GRAMD1C: variants seen among roughly 807,000 people sequenced by gnomAD.
GRAMD1C encodes GRAM domain containing 1C.
Under a neutral mutation model 97.8 loss-of-function variants are expected in GRAMD1C, and 89 were observed. That is an observed-to-expected ratio of 0.91 (90% CI 0.77 to 1.09). The LOEUF (loss-of-function observed/expected upper bound fraction) is 1.09, where lower values mean the gene tolerates loss of function less well. Among genes scored for constraint, GRAMD1C ranks in the 50% least tolerant of loss-of-function variants. The probability of loss-of-function intolerance (pLI) is 0.00; values close to 1 mark genes in which losing one functional copy is unlikely to be tolerated. For synonymous variants in GRAMD1C, 256 were observed against 267.0 expected (o/e 0.96, Z 0.40); for missense variants, 740 against 766.4 (o/e 0.97, Z 0.41).
At chr3:113,830,869 C>A (rs527597342) in intron 1 of GRAMD1C, among the ~76,000 whole-genome samples, 1 of 152,160 alleles carries the variant, frequency 6.6e-6, no homozygotes, top group Non-Finnish European at 1.5e-5. Flanking sequence ...GAGGCCAAGG[C>A]GGGTGGGTCA....
chr3:113,912,927 G>A (rs1221910971), intron 9 of GRAMD1C: 3 of 285,326 alleles, frequency 1.1e-5, no homozygotes, highest in Non-Finnish European at 2.1e-5. Flanking sequence ...GAGGCTTGTT[G>A]TACTTATTAA....
chr3:113,871,836 G>C (rs1559787335), intron 3 of GRAMD1C, among the ~76,000 whole-genome samples: 1 of 151,846 alleles, frequency 6.6e-6, no homozygotes, highest in East Asian at 1.9e-4. Context: ...AGCTACTTAG[G>C]AGGCTGAGGT....
At chr3:113,847,264 A>G (rs1018236947) in intron 2 of GRAMD1C, among the ~76,000 whole-genome samples, 2 of 152,244 alleles carry the variant, frequency 1.3e-5, no homozygotes, top group African/African-American at 4.8e-5. Context: ...TTTGTTCAAA[A>G]CATTACAAGA....
chr3:113,926,089 G>A (rs976231933), intron 10 of GRAMD1C, among the ~76,000 whole-genome samples: 2 of 152,180 alleles, frequency 1.3e-5, no homozygotes, highest in African/African-American at 4.8e-5. Flanking sequence ...GCATTTGAAT[G>A]TTGGCCTCTC....
upstream of GRAMD1C, among the ~76,000 whole-genome samples, chr3:113,837,266 C>G (rs1041699994): frequency 2.0e-5 from 3 of 152,132 alleles, no homozygotes; most frequent in Non-Finnish European, 2.9e-5. Flanking sequence ...GCCACTGTGC[C>G]TGGCTTAGAA....
chr3:113,857,551 T>G (rs1313373209), intron 2 of GRAMD1C, among the ~76,000 whole-genome samples: 2 of 152,044 alleles, frequency 1.3e-5, no homozygotes, highest in Non-Finnish European at 2.9e-5. Flanking sequence ...AATTTTTTTG[T>G]ATTTTTAGTA....
At chr3:113,920,590 G>A (rs1937007742) in intron 10 of GRAMD1C, among the ~76,000 whole-genome samples, 2 of 152,196 alleles carry the variant, frequency 1.3e-5, no homozygotes, top group African/African-American at 4.8e-5. Context: ...TGCCCAGGCT[G>A]GAGTGCAATG....
At chr3:113,838,674 A>G (rs1179969838), upstream of GRAMD1C, 1 of 365,714 alleles carries the variant, frequency 2.7e-6, no homozygotes, top group East Asian at 4.0e-5. Context: ...GGTTGGGAAT[A>G]GGGAAGTCTC....
intron 1 of GRAMD1C, among the ~76,000 whole-genome samples, chr3:113,843,963 G>A (rs1478663222): frequency 6.6e-6 from 1 of 152,120 alleles, no homozygotes; most frequent in Non-Finnish European, 1.5e-5. Context: ...CTCCAAAATA[G>A]TTGTACAAAC....
At chr3:113,874,349 T>G (rs1577149938) in intron 3 of GRAMD1C, among the ~76,000 whole-genome samples, 1 of 151,812 alleles carries the variant, frequency 6.6e-6, no homozygotes, top group Non-Finnish European at 1.5e-5. Flanking sequence ...AGTGGTGAGG[T>G]GGAGAGAATC....
chr3:113,897,912 C>A, intron 6 of GRAMD1C: 1 of 196,956 alleles, frequency 5.1e-6, no homozygotes, highest in Non-Finnish European at 9.2e-6. Context: ...GAATATCAGG[C>A]TGGGCATATG....
In GRAMD1C at chr3:113,904,270, G is replaced by C; in HGVS notation, c.787G>C (p.Gly263Arg). 1 of 1,596,564 alleles carries C rather than the reference G, an allele frequency of 6.3e-7. No individual in the cohort carries two copies. ...TESFDGNSSK[G>R]GLGKEESQNE... is the part of the protein sequence containing the mutation. ...GTCATTCGATGGAAATTCATCAAAAGGAGTTAGTATATGATATCCCTTTTA... is the reference window on the plus strand; with the variant it reads ...GTCATTCGATGGAAATTCATCAAAACGAGTTAGTATATGATATCCCTTTTA... Residue 263 changes from glycine to arginine, a missense_variant and splice_region_variant, in exon 8 of 18, where the codon GGA becomes CGA. Physicochemically the swap from Gly to Arg is moderately radical, Grantham distance 125. Transcript: ENST00000358160.
At chr3:113,838,736 G>A, upstream of GRAMD1C, 1 of 387,822 alleles carries the variant, frequency 2.6e-6, no homozygotes, top group Non-Finnish European at 4.5e-6. Context: ...AACACCCATC[G>A]TCAGGAATCC....
intron 6 of GRAMD1C, among the ~76,000 whole-genome samples, chr3:113,887,657 G>A (rs1360507006): frequency 4.2e-5 from 6 of 143,768 alleles, no homozygotes; most frequent in Admixed American, 7.2e-5. Flanking sequence ...GCAGTGAGCC[G>A]AGATTGCTCC....
intron 2 of GRAMD1C, among the ~76,000 whole-genome samples, chr3:113,865,355 C>A (rs1934545587): frequency 1.3e-5 from 2 of 152,160 alleles, no homozygotes; most frequent in South Asian, 4.1e-4. Flanking sequence ...ACCATAGCAA[C>A]TACCAAAACT....
chr3:113,873,092 C>CA lies in GRAMD1C; in HGVS notation c.260-2374dup, dbSNP rs576155098. ...TGGGCGACAGAGCAAGACTCCATCTCAAAAAAAAAAAAAAAAAATTAGCCG... is the reference window on the plus strand; with the variant it reads ...TGGGCGACAGAGCAAGACTCCATCTCAAAAAAAAAAAAAAAAAAATTAGCCG... On this transcript the variant is annotated intron_variant, in intron 3 of 17. Coordinates refer to ENST00000358160, the MANE Select transcript of GRAMD1C (RefSeq NM_017577.5). Among the ~76,000 whole-genome samples, 13 of 35,748 alleles carry CA rather than the reference C, an allele frequency of 3.6e-4. 1 individual carries two copies. Among genetic ancestry groups the CA allele is most frequent in the Admixed American group, 5.1e-4 (1 of 1,952 alleles). The allele number at this position is 35,748 out of a possible 152,430, so 23.5% of individuals were successfully genotyped here.
At chr3:113,923,061 A>G (rs1288843308) in intron 10 of GRAMD1C, among the ~76,000 whole-genome samples, 1 of 151,494 alleles carries the variant, frequency 6.6e-6, no homozygotes, top group Non-Finnish European at 1.5e-5. Flanking sequence ...TGTGATCTCG[A>G]CTTGGCACTC....
At chr3:113,865,272 T>A (rs1934541493) in intron 2 of GRAMD1C, among the ~76,000 whole-genome samples, 1 of 152,184 alleles carries the variant, frequency 6.6e-6, no homozygotes, top group Non-Finnish European at 1.5e-5. Context: ...TTAAAGTTCC[T>A]ACCACCTCTC....
chr3:113,928,332 T>G (rs1303995408), intron 10 of GRAMD1C, among the ~76,000 whole-genome samples: 1 of 152,210 alleles, frequency 6.6e-6, no homozygotes, highest in Non-Finnish European at 1.5e-5. Context: ...CGACACTACC[T>G]TTAATTAAAG....
Sources: allele counts gnomAD v4.1 joint callset (sites outside exome capture counted in the v4.1 genomes callset), GRCh38; gene constraint gnomAD v4.1.1; transcripts MANE v1.5; gene names NCBI Gene and HGNC (gene_info 2026-07-23, HGNC 2026-07-21).